KCNQ1: variants seen among roughly 807,000 people sequenced by gnomAD.
The protein encoded by KCNQ1 is potassium voltage-gated channel subfamily Q member 1.
Under a neutral mutation model 72.4 loss-of-function variants are expected in KCNQ1, and 49 were observed. The observed-to-expected ratio is 0.68, with a 90% CI of 0.54 to 0.86. The LOEUF is 0.86. Ranked by LOEUF, KCNQ1 falls within the 40% of genes least tolerant of loss-of-function variation. The pLI is 0.00. For missense variants in KCNQ1, 790 were observed against 945.1 expected (o/e 0.84, Z 2.15); for synonymous variants, 450 against 412.6 (o/e 1.09, Z -1.10).
At chr11:2,722,905 TG>T (rs1845693272) in intron 11 of KCNQ1, among the ~76,000 whole-genome samples, 1 of 151,628 alleles carries the variant, frequency 6.6e-6, no homozygotes, top group Non-Finnish European at 1.5e-5. Context: ...CTTAGCGGAG[TG>T]GGGGTGGGGG....
intron 11 of KCNQ1, among the ~76,000 whole-genome samples, chr11:2,757,379 A>G (rs1489948488): frequency 6.6e-6 from 1 of 152,244 alleles, no homozygotes; most frequent in East Asian, 1.9e-4. Flanking sequence ...AAACATGTAA[A>G]GATGTATATA....
chr11:2,606,419 A>C (rs2133784217), intron 10 of KCNQ1, among the ~76,000 whole-genome samples: 1 of 152,276 alleles, frequency 6.6e-6, no homozygotes, highest in African/African-American at 2.4e-5. Context: ...GCTTGGTACC[A>C]TCCCCGTGGT....
rs753515336 is a variant in KCNQ1 at position 2,657,414 on chromosome 11, C to A, written c.1394-4547C>A. 2.5e-6 allele frequency: 1 copy of A among 398,530 alleles called. No individual in the cohort carries two copies. Among genetic ancestry groups the A allele is most frequent in the Non-Finnish European group, 4.4e-6 (1 of 226,034 alleles). The allele number at this position is 398,530 out of a possible 1,614,324, so 24.7% of individuals were successfully genotyped here. ...AAGTTTTACAATTTTCTCCAGAGTT[C>A]TTGCATATACTTAGTTAGATAATTA... is the stretch of plus-strand genomic sequence containing the variant. On this transcript the variant is annotated intron_variant, in intron 10 of 15. Transcript: ENST00000155840. The surrounding 1 kb of genome is among the most constrained non-coding windows in gnomAD (Gnocchi z 4.8).
chr11:2,521,354 T>C (rs1847379126), intron 1 of KCNQ1: 2 of 356,428 alleles, frequency 5.6e-6, no homozygotes, highest in African/African-American at 2.1e-5. Context: ...CCTTTGCGCT[T>C]CTGTGACTGG....
chr11:2,673,747 G>C lies in KCNQ1; in HGVS notation c.1514+11666G>C. ...AGGCCCAGACTGGACAGGGGAAGGG[G>C]TACAGTCCCTTCTTGCTGGTATGTT... On this transcript the variant is annotated intron_variant, in intron 11 of 15. Transcript: ENST00000155840. The surrounding 1 kb of genome is among the most constrained non-coding windows in gnomAD (Gnocchi z 4.5). The C allele has an allele frequency of 2.5e-6, 1 of 398,564 alleles. No homozygotes were observed. The highest frequency in any genetic ancestry group is 4.4e-6 in the Non-Finnish European group (1 of 226,114). The allele number at this position is 398,564 out of a possible 1,614,324, so 24.7% of individuals were successfully genotyped here.
At chr11:2,529,415 C>T (rs1383912855) in intron 2 of KCNQ1, among the ~76,000 whole-genome samples, 5 of 151,022 alleles carry the variant, frequency 3.3e-5, no homozygotes, top group African/African-American at 9.7e-5. Flanking sequence ...TCGAAGGCCG[C>T]GGGTGAATAA....
chr11:2,799,047 G>A (rs1197940606), intron 15 of KCNQ1, among the ~76,000 whole-genome samples: 4 of 152,228 alleles, frequency 2.6e-5, no homozygotes, highest in Non-Finnish European at 4.4e-5. Context: ...AATCTAAACA[G>A]GCACCTTCAA....
intron 11 of KCNQ1, among the ~76,000 whole-genome samples, chr11:2,709,422 T>G (rs1318600): frequency 9.1e-5 from 2 of 22,086 alleles, no homozygotes; most frequent in Non-Finnish European, 1.3e-4. Context: ...TGCAGGGCTG[T>G]TTTTTTTTTA....
At chr11:2,618,049 A>G in intron 10 of KCNQ1, 1 of 398,436 alleles carries the variant, frequency 2.5e-6, no homozygotes, top group Non-Finnish European at 4.4e-6. Flanking sequence ...TGGTATACCA[A>G]TTATTTGTTT....
At chr11:2,523,198 AT>A (rs60789291) in intron 1 of KCNQ1, among the ~76,000 whole-genome samples, 2,760 of 136,988 alleles carry the variant, frequency 0.02, 83 homozygotes, top group African/African-American at 0.071. Context: ...ATTTAATTTA[AT>A]TTTTTTTTTT....
In KCNQ1 at chr11:2,676,142, T is replaced by C. The variant is rs1850290046; in HGVS notation, c.1514+14061T>C. On this transcript the variant is annotated intron_variant, in intron 11 of 15. Coordinates refer to ENST00000155840, the MANE Select transcript of KCNQ1 (RefSeq NM_000218.3). The surrounding 1 kb of genome is among the most constrained non-coding windows in gnomAD (Gnocchi z 4.2). Reference sequence around the variant, plus strand: ...GCTCCTTTTTATACAAATGGTAGCATACTGTATGTATTTTTCTACACTTTG... The same window carrying C: ...GCTCCTTTTTATACAAATGGTAGCACACTGTATGTATTTTTCTACACTTTG... 1 of 398,664 alleles carries C rather than the reference T, an allele frequency of 2.5e-6. No homozygotes were observed. The highest frequency in any genetic ancestry group is 4.4e-6 in the Non-Finnish European group (1 of 226,070). The allele number at this position is 398,664 out of a possible 1,614,324, so 24.7% of individuals were successfully genotyped here.
In KCNQ1 at chr11:2,652,525, C is replaced by T; in HGVS notation, c.1394-9436C>T. On this transcript the variant is annotated intron_variant, in intron 10 of 15. Coordinates refer to ENST00000155840, the MANE Select transcript of KCNQ1 (RefSeq NM_000218.3). The surrounding 1 kb of genome is among the most constrained non-coding windows in gnomAD (Gnocchi z 5.9). ...TGGGGAATGTCCTGTGAGCTCAACT[C>T]TTGGAGAAGATAGTGCTTAACCCAG... 2.5e-6 allele frequency: 1 copy of T among 398,620 alleles called. No homozygotes were observed. The highest frequency in any genetic ancestry group is 4.4e-5 in the Admixed American group (1 of 22,738). The allele number at this position is 398,620 out of a possible 1,614,324, so 24.7% of individuals were successfully genotyped here.
chr11:2,458,554 A>G lies in KCNQ1; in HGVS notation c.386+13070A>G, dbSNP rs926290079. Among the ~76,000 whole-genome samples, 2 of 152,224 alleles carry G rather than the reference A, an allele frequency of 1.3e-5. No individual in the cohort carries two copies. The highest frequency in any genetic ancestry group is 2.9e-5 in the Non-Finnish European group (2 of 68,048). On this transcript the variant is annotated intron_variant, in intron 1 of 15. Coordinates refer to ENST00000155840, the MANE Select transcript of KCNQ1 (RefSeq NM_000218.3). The surrounding 1 kb of genome is among the most constrained non-coding windows in gnomAD (Gnocchi z 4.6). ...GGTCAGGGATTCCGCATGCAGCGTC[A>G]CAGCTGCCAACCTCTCCAAAGCAGT...
rs1849016326 is a variant in KCNQ1 at position 2,613,647 on chromosome 11, C to G, written c.1393+24793C>G. 3 of 398,422 alleles carry G rather than the reference C, an allele frequency of 7.5e-6. No individual in the cohort carries two copies. Among genetic ancestry groups the G allele is most frequent in the Non-Finnish European group, 1.3e-5 (3 of 226,030 alleles). The allele number at this position is 398,422 out of a possible 1,614,324, so 24.7% of individuals were successfully genotyped here. Reference sequence around the variant, plus strand: ...ATTGCTTTTCAGGGAGTGGTTATATCAAGGTGCTCATTCCACCACCTCAGA... The same window carrying G: ...ATTGCTTTTCAGGGAGTGGTTATATGAAGGTGCTCATTCCACCACCTCAGA... On this transcript the variant is annotated intron_variant, in intron 10 of 15. Transcript: ENST00000155840. The surrounding 1 kb of genome is among the most constrained non-coding windows in gnomAD (Gnocchi z 4.8).
chr11:2,848,359 C>A lies in KCNQ1; in HGVS notation c.*356C>A. The A allele has an allele frequency of 1.9e-6, 1 of 538,784 alleles. No homozygotes were observed. 33.4% of individuals were successfully genotyped at this position (538,784 alleles called of 1,614,324 possible). A position where few individuals can be genotyped will look rare whatever the true frequency, so the allele number is the denominator to read the frequency against. On this transcript the variant is annotated 3_prime_UTR_variant, in exon 16 of 16. Coordinates refer to ENST00000155840, the MANE Select transcript of KCNQ1 (RefSeq NM_000218.3). ...GAAGTAGCACAGGCTGAGTGCAGGC[C>A]CACCCTGCTTGGCCCAGGGGGCTTC...
Position 2,579,662 on chromosome 11 carries a change from G to A in KCNQ1, c.922-3773G>A, listed in dbSNP as rs535076380. ...GCAGACCAGGCGAAGGTGGGGTCCTGGAGCTGCGTCCTGCTGTATGTGTGC... is the reference window on the plus strand; with the variant it reads ...GCAGACCAGGCGAAGGTGGGGTCCTAGAGCTGCGTCCTGCTGTATGTGTGC... On this transcript the variant is annotated intron_variant, in intron 6 of 15. Coordinates refer to ENST00000155840, the MANE Select transcript of KCNQ1 (RefSeq NM_000218.3). This position sits in a 1 kb window ranked among gnomAD's most constrained non-coding sequence, Gnocchi z 6.0. 6.6e-6 allele frequency among the ~76,000 whole-genome samples: 1 copy of A among 152,308 alleles called. No individual in the cohort carries two copies. Among genetic ancestry groups the A allele is most frequent in the Admixed American group, 6.5e-5 (1 of 15,300 alleles).
At chr11:2,843,155 A>G (rs1234379328) in intron 15 of KCNQ1, among the ~76,000 whole-genome samples, 1 of 152,246 alleles carries the variant, frequency 6.6e-6, no homozygotes, top group African/African-American at 2.4e-5. Context: ...AAACCTCAGC[A>G]GCGAGAAACA....
intron 1 of KCNQ1, among the ~76,000 whole-genome samples, chr11:2,460,505 C>CTCCT (rs1846261663): frequency 1.3e-5 from 2 of 152,142 alleles, no homozygotes; most frequent in East Asian, 1.9e-4. Flanking sequence ...CCCTCCCTCC[C>CTCCT]TCCTTCCCTT....
intron 12 of KCNQ1, among the ~76,000 whole-genome samples, chr11:2,773,454 C>T (rs752442598): frequency 3.2e-4 from 49 of 151,668 alleles, no homozygotes; most frequent in Non-Finnish European, 5.9e-4. Flanking sequence ...CAACAGGGCT[C>T]AGCATCCCAT....
Sources: gnomAD v4.1 joint callset for allele counts (sites outside exome capture counted in the v4.1 genomes callset) on GRCh38, gnomAD v4.1.1 for gene constraint, Gnocchi (gnomAD v3.1) non-coding constraint, MANE v1.5 for transcripts, NCBI Gene and HGNC (gene_info 2026-07-23, HGNC 2026-07-21) for gene names.